The following RABGEF1 variants were observed in gnomAD, a reference collection of about 807,000 sequenced individuals.
RABGEF1 encodes the protein RAB guanine nucleotide exchange factor 1, also known as rab5 GDP/GTP exchange factor.
Under a neutral mutation model 57.3 loss-of-function variants are expected in RABGEF1, and 26 were observed. The observed-to-expected ratio is 0.45, with a 90% CI of 0.33 to 0.63. The LOEUF (loss-of-function observed/expected upper bound fraction) is 0.63, where lower values mean the gene tolerates loss of function less well. RABGEF1 is among the 20% of genes least tolerant of loss of function. The pLI, the probability that RABGEF1 is intolerant of heterozygous loss-of-function variation, is 0.02. For synonymous variants in RABGEF1, 185 were observed against 210.7 expected (o/e 0.88, Z 1.06); for missense variants, 464 against 607.6 (o/e 0.76, Z 2.48).
the RABGEF1 span, among the ~76,000 whole-genome samples, chr7:66,664,533 G>A: frequency 6.6e-6 from 1 of 152,046 alleles, no homozygotes; most frequent in East Asian, 1.9e-4. Context: ...GAGCCCAGGA[G>A]GTTGAGGCTG....
the RABGEF1 span, among the ~76,000 whole-genome samples, chr7:66,664,755 G>A: frequency 2.0e-5 from 3 of 152,306 alleles, no homozygotes; most frequent in Admixed American, 6.5e-5. Flanking sequence ...TCTCCGGTGC[G>A]CCGGCGGCTG....
chr7:66,712,921 C>T (rs1216131097), intron 2 of RABGEF1, among the ~76,000 whole-genome samples: 1 of 150,654 alleles, frequency 6.6e-6, no homozygotes, highest in Admixed American at 6.6e-5. Context: ...TTCAAGTCAT[C>T]CTCCCACCTC....
At chr7:66,665,832 G>A in the RABGEF1 span, among the ~76,000 whole-genome samples, 2 of 152,136 alleles carry the variant, frequency 1.3e-5, no homozygotes, top group Admixed American at 6.6e-5. Context: ...GTTCAGACAC[G>A]GTCTCAGTTC....
intron 4 of RABGEF1, among the ~76,000 whole-genome samples, chr7:66,793,502 A>G (rs191058350): frequency 1.0e-3 from 158 of 152,332 alleles, no homozygotes; most frequent in Middle Eastern, 3.4e-3. Flanking sequence ...TGGGTTAGGA[A>G]TGCTCAAATC....
chr7:66,666,838 C>G, the RABGEF1 span, among the ~76,000 whole-genome samples: 2 of 152,298 alleles, frequency 1.3e-5, no homozygotes, highest in African/African-American at 4.8e-5. Context: ...TTGGAGAGGT[C>G]AGGATGGGCA....
intron 1 of RABGEF1, among the ~76,000 whole-genome samples, chr7:66,760,597 T>C (rs1266239024): frequency 6.6e-6 from 1 of 151,920 alleles, no homozygotes; most frequent in Non-Finnish European, 1.5e-5. Flanking sequence ...GTGCATGCCA[T>C]CATGCCCGGC....
intron 2 of RABGEF1, among the ~76,000 whole-genome samples, chr7:66,774,532 T>A (rs949217511): frequency 5.3e-5 from 8 of 152,198 alleles, no homozygotes; most frequent in Admixed American, 1.3e-4. Flanking sequence ...CAGCTTGTTG[T>A]GAAGCAAACC....
intron 1 of RABGEF1, among the ~76,000 whole-genome samples, chr7:66,711,058 G>A (rs1342271405): frequency 6.6e-6 from 1 of 152,214 alleles, no homozygotes; most frequent in African/African-American, 2.4e-5. Context: ...TACTCAGGAG[G>A]CTGAGGTGGA....
chr7:66,771,632 A>AATTTTTT (rs199950237), intron 1 of RABGEF1, among the ~76,000 whole-genome samples: 5 of 151,652 alleles, frequency 3.3e-5, no homozygotes, highest in Non-Finnish European at 7.4e-5. Context: ...GTCCTTTCTT[A>AATTTTTT]ATTTTTTATT....
chr7:66,658,224 C>G, the RABGEF1 span, among the ~76,000 whole-genome samples: 1 of 152,068 alleles, frequency 6.6e-6, no homozygotes, highest in African/African-American at 2.4e-5. Flanking sequence ...GACTGAATCA[C>G]AAAGAAATAA....
At chr7:66,803,593 G>T (rs1209791561) in intron 7 of RABGEF1, among the ~76,000 whole-genome samples, 1 of 152,120 alleles carries the variant, frequency 6.6e-6, no homozygotes, top group Admixed American at 6.6e-5. Context: ...GATAGTTGTG[G>T]GTAGTGAAAT....
intron 1 of RABGEF1, among the ~76,000 whole-genome samples, chr7:66,701,772 A>G (rs1225816800): frequency 6.6e-6 from 1 of 152,028 alleles, no homozygotes; most frequent in Non-Finnish European, 1.5e-5. Flanking sequence ...CCTCATTTAT[A>G]TTGATTTGTA....
intron 1 of RABGEF1, among the ~76,000 whole-genome samples, chr7:66,710,918 G>A (rs567498241): frequency 6.6e-6 from 1 of 152,132 alleles, no homozygotes; most frequent in South Asian, 2.1e-4. Flanking sequence ...CAAGACAGGA[G>A]GATCACTTGA....
chr7:66,703,638 C>T (rs559272569), intron 1 of RABGEF1, among the ~76,000 whole-genome samples: 227 of 152,152 alleles, frequency 1.5e-3, no homozygotes, highest in African/African-American at 5.1e-3. Context: ...TTCTGGAACT[C>T]TATTTCATTG....
At position 66,767,234 on chromosome 7, in the gene RABGEF1, C is replaced by T. The variant is rs577127928; in HGVS notation, c.-17-4649C>T. Among the ~76,000 whole-genome samples, 88 of 151,854 alleles carry T rather than the reference C, an allele frequency of 5.8e-4. 1 individual carries two copies. The South Asian group carries it at 0.011, about 20-fold the overall frequency. On this transcript the variant is annotated intron_variant, in intron 1 of 8. Coordinates refer to ENST00000284957, the MANE Select transcript of RABGEF1 (RefSeq NM_014504.3). ...GCCAGGCTGGTCTCAAACTCCTGCCCTCAGGTGATCCACCCGCCTCAGCCT... is the reference window on the plus strand; with the variant it reads ...GCCAGGCTGGTCTCAAACTCCTGCCTTCAGGTGATCCACCCGCCTCAGCCT...
chr7:66,795,537 G>A lies in RABGEF1; in HGVS notation c.540G>A (p.Glu180=). The A allele has an allele frequency of 1.2e-5, 20 of 1,612,260 alleles. No individual in the cohort carries two copies. Among genetic ancestry groups the A allele is most frequent in the Non-Finnish European group, 1.7e-5 (20 of 1,178,292 alleles). ...ATCTAAGCATTGAAGAACAGTCAGA[G>A]TGTGCTCAGGATTTCTACCACAATG... ...KRDLSIEEQS[E]CAQDFYHNVA... Residue 180 remains glutamate, a synonymous_variant, in exon 5 of 9, where the codon GAG becomes GAA. Coordinates refer to ENST00000284957, the MANE Select transcript of RABGEF1 (RefSeq NM_014504.3).
chr7:66,707,007 G>A (rs1192647914), intron 1 of RABGEF1, among the ~76,000 whole-genome samples: 3 of 149,018 alleles, frequency 2.0e-5, no homozygotes, highest in Admixed American at 1.3e-4. Flanking sequence ...GGATGGTCTC[G>A]ATCTCCTGGC....
chr7:66,738,412 A>G (rs776688152), upstream of RABGEF1, among the ~76,000 whole-genome samples: 9 of 151,222 alleles, frequency 6.0e-5, no homozygotes, highest in Non-Finnish European at 1.3e-4. Context: ...TTTAGCACCA[A>G]CCTCTTCTGC....
chr7:66,802,266 T>C (rs1375995231), intron 7 of RABGEF1, among the ~76,000 whole-genome samples: 1 of 152,200 alleles, frequency 6.6e-6, no homozygotes, highest in Non-Finnish European at 1.5e-5. Context: ...AGGATTCTAC[T>C]AAACATTCTG....
Sources: allele counts gnomAD v4.1 joint callset (sites outside exome capture counted in the v4.1 genomes callset), GRCh38; gene constraint gnomAD v4.1.1; transcripts MANE v1.5; gene names NCBI Gene and HGNC (gene_info 2026-07-23, HGNC 2026-07-21).